Variants in MAP3K14 observed in about 807,000 individuals in gnomAD.
MAP3K14 encodes the protein mitogen-activated protein kinase kinase kinase 14.
A neutral mutation model predicts 99.2 loss-of-function variants in MAP3K14; 16 were observed. That is an observed-to-expected ratio of 0.16 (90% confidence interval 0.11 to 0.24). The LOEUF (loss-of-function observed/expected upper bound fraction) is 0.24. Among genes scored for constraint, MAP3K14 ranks in the 10% least tolerant of loss-of-function variants. MAP3K14 has a pLI of 1.00. For missense variants in MAP3K14, 784 were observed against 1,208.7 expected (o/e 0.65, Z 5.21); for synonymous variants, 462 against 492.4 (o/e 0.94, Z 0.82).
chr17:45,288,991 AAAAAT>A (rs1224709713), intron 3 of MAP3K14, among the ~76,000 whole-genome samples: 1 of 152,200 alleles, frequency 6.6e-6, no homozygotes, highest in Non-Finnish European at 1.5e-5. Flanking sequence ...TGAGGAGAAT[AAAAAT>A]AAAATGTCAA....
intron 1 of MAP3K14, among the ~76,000 whole-genome samples, chr17:45,293,257 T>C (rs571004170): frequency 6.6e-6 from 1 of 152,356 alleles, no homozygotes; most frequent in African/African-American, 2.4e-5. Context: ...GAGGGGCACG[T>C]GGCTATTAGA....
At chr17:45,281,347 T>C (rs913596951) in intron 6 of MAP3K14, among the ~76,000 whole-genome samples, 35 of 150,376 alleles carry the variant, frequency 2.3e-4, no homozygotes, top group African/African-American at 5.8e-4. Flanking sequence ...ATCTTTCTTT[T>C]TTTTTTTTTT....
Position 45,265,203 on chromosome 17 carries a change from C to A in MAP3K14, c.2639G>T (p.Arg880Leu), listed in dbSNP as rs772349799. The A allele has an allele frequency of 6.2e-7, 1 of 1,613,934 alleles. No individual in the cohort carries two copies. Among genetic ancestry groups the A allele is most frequent in the Non-Finnish European group, 8.5e-7 (1 of 1,179,892 alleles). The change falls in exon 15 of 16, where the codon CGG becomes CTG. Residue 880 changes from arginine (R) to leucine (L), a missense_variant. Arg to Leu is a moderately radical substitution (Grantham distance 102). This residue lies in a region of MAP3K14 where 130 missense variants were observed against 220.4 expected (regional missense o/e 0.59). Coordinates refer to ENST00000344686, the MANE Select transcript of MAP3K14 (RefSeq NM_003954.5). ...AGTGGCGATGTCTCCCACTTTGACC[C>A]GGTGGAACTCCCGGATGTGCAGGTG... ...GEHLHIREFHRVKVGDIATGI... is the reference protein window; with the variant it reads ...GEHLHIREFHLVKVGDIATGI...
At chr17:45,288,550 G>T (rs2044286284) in intron 3 of MAP3K14, among the ~76,000 whole-genome samples, 1 of 152,062 alleles carries the variant, frequency 6.6e-6, no homozygotes, top group Admixed American at 6.6e-5. Context: ...GGGAATTTTT[G>T]TATTTTTAGC....
At chr17:45,303,492 T>C (rs986727257) in intron 1 of MAP3K14, among the ~76,000 whole-genome samples, 1 of 151,906 alleles carries the variant, frequency 6.6e-6, no homozygotes, top group Non-Finnish European at 1.5e-5. Context: ...GCCCAGGAGG[T>C]AGAGGTTGTA....
chr17:45,274,488 T>G lies in MAP3K14; in HGVS notation c.1396A>C (p.Asn466His). 3 of 1,613,984 alleles carry G rather than the reference T, an allele frequency of 1.9e-6. No homozygotes were observed. In the African/African-American group the frequency reaches 4.0e-5, roughly 22 times the overall value. Reference protein sequence around the residue: ...YGAVREGPWVNIFMELLEGGS... With the variant: ...YGAVREGPWVHIFMELLEGGS... ...CCTTCCAGCAGCTCCATGAAGATGT[T>G]GACCCAAGGCCCTTCTCTCACAGCT... Residue 466 changes from asparagine to histidine, a missense_variant, in exon 7 of 16, where the codon AAC becomes CAC. By Grantham distance (68) the Asn-to-His change is moderately conservative. Transcript: ENST00000344686.
chr17:45,306,181 G>A (rs531828825), intron 1 of MAP3K14, among the ~76,000 whole-genome samples: 10 of 152,300 alleles, frequency 6.6e-5, no homozygotes, highest in African/African-American at 2.4e-4. Flanking sequence ...CCGTTTACAA[G>A]GAGGAAGAAA....
At chr17:45,296,164 C>G (rs2143842133) in intron 1 of MAP3K14, among the ~76,000 whole-genome samples, 1 of 152,208 alleles carries the variant, frequency 6.6e-6, no homozygotes, top group East Asian at 1.9e-4. Context: ...CTTCTCCCAA[C>G]TTCCTCTTTT....
In MAP3K14 at chr17:45,284,947, T is replaced by A. The variant is rs1279163348; in HGVS notation, c.1155A>T (p.Lys385Asn). The part of the protein sequence containing the change: ...EDNEGVLLTE[K>N]LKPVDYEYRE... ...GGTACTCATAATCCACTGGCTTGAGTTTCTGGGGTTGGCAGGAGAGAGAGG... is the reference window on the plus strand; with the variant it reads ...GGTACTCATAATCCACTGGCTTGAGATTCTGGGGTTGGCAGGAGAGAGAGG... Residue 385 changes from lysine to asparagine, a missense_variant and splice_region_variant, in exon 6 of 16, where the codon AAA becomes AAT. Transcript: ENST00000344686. 3 of 1,551,532 alleles carry A rather than the reference T, an allele frequency of 1.9e-6. No individual in the cohort carries two copies. Among genetic ancestry groups the A allele is most frequent in the African/African-American group, 2.7e-5 (2 of 73,058 alleles).
intron 2 of MAP3K14, among the ~76,000 whole-genome samples, chr17:45,290,038 G>T (rs2044298064): frequency 6.6e-6 from 1 of 152,212 alleles, no homozygotes; most frequent in Non-Finnish European, 1.5e-5. Flanking sequence ...CCCAGGACTG[G>T]CCCAGCAGGC....
At chr17:45,314,857 A>G (rs2143890475) in intron 1 of MAP3K14, among the ~76,000 whole-genome samples, 1 of 152,276 alleles carries the variant, frequency 6.6e-6, no homozygotes, top group African/African-American at 2.4e-5. Flanking sequence ...AGGAAAAAAA[A>G]TAGGAAGTTA....
At position 45,267,696 on chromosome 17, in the gene MAP3K14, T is replaced by G. The variant is rs2044104563; in HGVS notation, c.2036A>C (p.Gln679Pro). 8 of 1,613,886 alleles carry G rather than the reference T, an allele frequency of 5.0e-6. No individual in the cohort carries two copies. Among genetic ancestry groups the G allele is most frequent in the Non-Finnish European group, 6.8e-6 (8 of 1,179,872 alleles). ...ATGGAGGGTCTGGTGGTAATTGGCT[T>G]GATTTGGCGGTGGATGTCTTGGTTC... The part of the protein sequence containing the change: ...YKEPRHPPPN[Q>P]ANYHQTLHAQ... The change falls in exon 12 of 16, where the codon CAA (glutamine) becomes CCA (proline). Residue 679 changes from glutamine to proline, a missense_variant. By Grantham distance (76) the Gln-to-Pro change is moderately conservative. This residue lies in a region of MAP3K14 where 128 missense variants were observed against 143.3 expected (regional missense o/e 0.89). Coordinates refer to ENST00000344686, the MANE Select transcript of MAP3K14 (RefSeq NM_003954.5). This position sits in a 1 kb window ranked among gnomAD's most constrained non-coding sequence, Gnocchi z 5.1.
In MAP3K14 at chr17:45,263,200, C is replaced by T. The variant is rs563122586; in HGVS notation, c.*1436G>A. On this transcript the variant is annotated 3_prime_UTR_variant, in exon 16 of 16. Coordinates refer to ENST00000344686, the MANE Select transcript of MAP3K14 (RefSeq NM_003954.5). ...CAACCCAGACTCTGCAGTACCAAGG[C>T]TGCAGTTCTTTATGTGCTGGGGGCC... 1.3e-5 allele frequency: 2 copies of T among 152,314 alleles called. No individual in the cohort carries two copies. Among genetic ancestry groups the T allele is most frequent in the South Asian group, 2.1e-4 (1 of 4,828 alleles). The allele number at this position is 152,314 out of a possible 1,614,324, so 9.4% of individuals were successfully genotyped here.
chr17:45,270,965 A>G lies in MAP3K14; in HGVS notation c.1821+93T>C. 2.0e-6 allele frequency: 3 copies of G among 1,494,744 alleles called. No individual in the cohort carries two copies. The Admixed American group carries it at 5.9e-5, about 29-fold the overall frequency. 92.6% of individuals were successfully genotyped at this position (1,494,744 alleles called of 1,614,324 possible). ...GGATGACCAGGCCTCCCCTTGCTCC[A>G]TCTGCCACCGCAGAGCAGCCCCTCC... is the stretch of plus-strand genomic sequence containing the variant. On this transcript the variant is annotated intron_variant, in intron 10 of 15. Transcript: ENST00000344686.
chr17:45,270,646 G>A (rs1181728537), intron 10 of MAP3K14, 83 bp from the exon 11 acceptor site: 19 of 1,437,194 alleles, frequency 1.3e-5, no homozygotes, highest in African/African-American at 5.8e-5. Context: ...CGCAACTCCC[G>A]CCGGCCCCTG....
At chr17:45,302,874 C>A (rs2044401255) in intron 1 of MAP3K14, among the ~76,000 whole-genome samples, 1 of 152,300 alleles carries the variant, frequency 6.6e-6, no homozygotes, top group East Asian at 1.9e-4. Context: ...TGGAGATGGG[C>A]AAGCTTGTCC....
chr17:45,315,499 C>T (rs2143892227), intron 1 of MAP3K14, among the ~76,000 whole-genome samples: 1 of 152,264 alleles, frequency 6.6e-6, no homozygotes, highest in Non-Finnish European at 1.5e-5. Flanking sequence ...CGAAAGGTGT[C>T]TGAAAAATTC....
At position 45,271,077 on chromosome 17, in the gene MAP3K14, C is replaced by T. The variant is rs957347930; in HGVS notation, c.1802G>A (p.Arg601Gln). ...ACCGACCTTGAGGCAGAGCGGCCCTCGGAAGAACTGAGTCCAGGGGTGGCA... is the reference window on the plus strand; with the variant it reads ...ACCGACCTTGAGGCAGAGCGGCCCTTGGAAGAACTGAGTCCAGGGGTGGCA... Reference protein sequence around the residue: ...NGCHPWTQFFRGPLCLKIASE... With the variant: ...NGCHPWTQFFQGPLCLKIASE... The change falls in exon 10 of 16, where the codon CGA (arginine) becomes CAA (glutamine). Residue 601 changes from arginine to glutamine, a missense_variant. By Grantham distance (43) the Arg-to-Gln change is conservative. Coordinates refer to ENST00000344686, the MANE Select transcript of MAP3K14 (RefSeq NM_003954.5). 8.7e-6 allele frequency: 14 copies of T among 1,612,896 alleles called. No homozygotes were observed. Among genetic ancestry groups the T allele is most frequent in the African/African-American group, 5.3e-5 (4 of 74,922 alleles).
At chr17:45,266,502 C>T (rs772260089) in intron 14 of MAP3K14, 35 bp downstream of exon 14, 27 of 1,577,256 alleles carry the variant, frequency 1.7e-5, no homozygotes, top group South Asian at 7.9e-5. Flanking sequence ...TCAGCTGCCA[C>T]GGGGACTGCT....
Sources: gnomAD v4.1 joint callset for allele counts (sites outside exome capture counted in the v4.1 genomes callset) on GRCh38, gnomAD v4.1.1 for gene constraint, gnomAD v4.1.1 regional missense constraint, Gnocchi (gnomAD v3.1) non-coding constraint, MANE v1.5 for transcripts, NCBI Gene and HGNC (gene_info 2026-07-23, HGNC 2026-07-21) for gene names.